Variants in COX7B observed in about 807,000 individuals in gnomAD.
The protein encoded by COX7B is cytochrome c oxidase subunit 7B, mitochondrial.
COX7B carries 2 observed loss-of-function variants against 7.9 expected under a neutral mutation model. That is an observed-to-expected ratio of 0.25 (90% CI 0.10 to 0.79). The LOEUF (loss-of-function observed/expected upper bound fraction) is 0.79, where lower values mean the gene tolerates loss of function less well. Ranked by LOEUF, COX7B falls within the 30% of genes least tolerant of loss-of-function variation. The pLI is 0.69. For missense variants in COX7B, 54 were observed against 62.7 expected, an observed-to-expected ratio of 0.86 and a Z score of 0.47; for synonymous variants, 19 against 21.1, an observed-to-expected ratio of 0.90 and a Z score of 0.27.
chrX:77,904,267 G>T (rs1006021772), intron 2 of COX7B, among the ~76,000 whole-genome samples: 1 of 110,017 alleles, frequency 9.1e-6, no homozygotes, highest in South Asian at 3.9e-4. Flanking sequence ...GGTTTAAAAA[G>T]ATACAAATTA....
intron 2 of COX7B, among the ~76,000 whole-genome samples, chrX:77,903,924 GTTTTGTT>G (rs1468249223): frequency 1.1e-4 from 10 of 90,264 alleles, no homozygotes; most frequent in East Asian, 3.5e-4. Context: ...TTTTTTTTTT[GTTTTGTT>G]TTTTGTTTTT....
At chrX:77,902,908 C>G (rs2077124468) in intron 2 of COX7B, 141 bp downstream of exon 2, 4 of 519,284 alleles carry the variant, frequency 7.7e-6, no homozygotes, top group Non-Finnish European at 1.1e-5. Flanking sequence ...CCACACAGTG[C>G]AGGGGATTTT....
At chrX:77,902,606 A>G in intron 1 of COX7B, 37 bp from the exon 2 acceptor site, 1 of 1,202,699 alleles carries the variant, frequency 8.3e-7, no homozygotes, top group African/African-American at 1.7e-5. Flanking sequence ...GACAATTGAT[A>G]ATATGCTTCT....
Position 77,905,218 on chromosome X carries a change from C to A in COX7B, c.200C>A (p.Ser67Tyr). Residue 67 changes from serine (S) to tyrosine (Y), a missense_variant, in exon 3 of 3, where the codon TCC becomes TAC. Transcript: ENST00000650309. ...CAAGTCGGAATAGAATGGAACCTGT[C>A]CCCTGTTGGCAGAGTTACCCCAAAG... ...ATQVGIEWNL[S>Y]PVGRVTPKEW... is the part of the protein sequence containing the mutation. The A allele has an allele frequency of 8.3e-7, 1 of 1,208,826 alleles. No homozygotes were observed. Among genetic ancestry groups the A allele is most frequent in the Non-Finnish European group, 1.1e-6 (1 of 893,674 alleles).
rs781871802 is a variant in COX7B at position 77,906,655 on chromosome X, TCTCA to T, written c.*1398_*1401del. On this transcript the variant is annotated 3_prime_UTR_variant, in exon 3 of 3. Transcript: ENST00000650309. ...TTTGTTTTTCTTTTTTGAGATGAAG[TCTCA>T]CTCTGTTGCCCAGGCTGGAGTGCAG... is the stretch of plus-strand genomic sequence containing the variant. 3 of 111,973 alleles carry T rather than the reference TCTCA, an allele frequency of 2.7e-5. No homozygotes were observed. The highest frequency in any genetic ancestry group is 7.4e-4 in the South Asian group (2 of 2,693). 9.2% of individuals were successfully genotyped at this position (111,973 alleles called of 1,213,427 possible). A position where few individuals can be genotyped will look rare whatever the true frequency, so the allele number is the denominator to read the frequency against.
rs2077134548 is a variant in COX7B, at chrX:77,906,100, T to C, written c.*839T>C. On this transcript the variant is annotated 3_prime_UTR_variant, in exon 3 of 3. Transcript: ENST00000650309. Reference sequence around the variant, plus strand: ...GCACCCAGCCCTTAAATGGCTTTTATGAGGTAATGTGAAAGGAAAATTTGC... The same window carrying C: ...GCACCCAGCCCTTAAATGGCTTTTACGAGGTAATGTGAAAGGAAAATTTGC... 1 of 112,386 alleles carries C rather than the reference T, an allele frequency of 8.9e-6. No individual in the cohort carries two copies. The highest frequency in any genetic ancestry group is 1.9e-5 in the Non-Finnish European group (1 of 53,306). The allele number at this position is 112,386 out of a possible 1,213,427, so 9.3% of individuals were successfully genotyped here. A position where few individuals can be genotyped will look rare whatever the true frequency, so the allele number is the denominator to read the frequency against.
In COX7B at chrX:77,905,417, A is replaced by G; in HGVS notation, c.*156A>G. The G allele has an allele frequency of 2.3e-6, 1 of 426,006 alleles. No individual in the cohort carries two copies. Among genetic ancestry groups the G allele is most frequent in the Non-Finnish European group, 4.1e-6 (1 of 242,759 alleles). The allele number at this position is 426,006 out of a possible 1,213,427, so 35.1% of individuals were successfully genotyped here. On this transcript the variant is annotated 3_prime_UTR_variant, in exon 3 of 3. Transcript: ENST00000650309. Reference sequence around the variant, plus strand: ...GTTTTGTTTCTTTGTAAATGAAACTAAGCTTGATCACTTTAGCCTTTATGT... The same window carrying G: ...GTTTTGTTTCTTTGTAAATGAAACTGAGCTTGATCACTTTAGCCTTTATGT...
In COX7B at chrX:77,900,310, T is replaced by G. The variant is rs185572713; in HGVS notation, c.40+717T>G. On this transcript the variant is annotated intron_variant, in intron 1 of 2. Coordinates refer to ENST00000650309, the MANE Select transcript of COX7B (RefSeq NM_001866.3). ...TGTACCCGGGAGGCGGAGGTTGCAG[T>G]GAGCCAAGACTGCTACTGCACTCCA... Among the ~76,000 whole-genome samples, 503 of 111,991 alleles carry G rather than the reference T, an allele frequency of 4.5e-3. 6 individuals carry two copies. Among genetic ancestry groups the G allele is most frequent in the Non-Finnish European group, 5.4e-3 (289 of 53,181 alleles).
chrX:77,901,754 TTGCTC>T (rs2077120758), intron 1 of COX7B: 1 of 110,587 alleles, frequency 9.0e-6, no homozygotes, highest in South Asian at 3.8e-4. Context: ...GGACAGAGAA[TTGCTC>T]TGTTACCCAG....
chrX:77,904,089 T>C (rs1212719285), intron 2 of COX7B, among the ~76,000 whole-genome samples: 2 of 106,572 alleles, frequency 1.9e-5, no homozygotes, highest in Non-Finnish European at 3.9e-5. Flanking sequence ...CCCACCACCA[T>C]GCCCGGCTAA....
At chrX:77,902,480 C>T (rs954168385) in intron 1 of COX7B, among the ~76,000 whole-genome samples, 163 bp from the exon 2 acceptor site, 7 of 112,584 alleles carry the variant, frequency 6.2e-5, no homozygotes, top group Non-Finnish European at 1.3e-4. Flanking sequence ...TTTCAAAGTA[C>T]ACTGCTTTAA....
Position 77,902,775 on chromosome X carries a change from C to T in COX7B, c.165+8C>T. ...ATTGTTACATGGACATATGTAAGTA[C>T]TATTGATTAATAATTTCTGTTTCAG... On this transcript the variant is annotated splice_region_variant and intron_variant, in intron 2 of 2. Coordinates refer to ENST00000650309, the MANE Select transcript of COX7B (RefSeq NM_001866.3). 1.7e-6 allele frequency: 2 copies of T among 1,199,887 alleles called. No individual in the cohort carries two copies. The highest frequency in any genetic ancestry group is 2.3e-6 in the Non-Finnish European group (2 of 888,059).
chrX:77,902,914 AT>A (rs782433582), intron 2 of COX7B, 147 bp downstream of exon 2: 7 of 473,617 alleles, frequency 1.5e-5, no homozygotes, highest in Non-Finnish European at 6.4e-6. Flanking sequence ...AGTGCAGGGG[AT>A]TTTTTCCCCC....
rs781863218 is a variant in COX7B at position 77,905,274 on chromosome X, G to A, written c.*13G>A. 6 of 1,171,392 alleles carry A rather than the reference G, an allele frequency of 5.1e-6. No individual in the cohort carries two copies. The Admixed American group carries it at 6.6e-5, about 13-fold the overall frequency. The stretch of plus-strand genomic sequence containing the variant: ...GAGGAATCAGTAATCATCCCAGCTG[G>A]TGTAATAATGAATTGTTTAAAAAAC... On this transcript the variant is annotated 3_prime_UTR_variant, in exon 3 of 3. Coordinates refer to ENST00000650309, the MANE Select transcript of COX7B (RefSeq NM_001866.3).
intron 2 of COX7B, among the ~76,000 whole-genome samples, chrX:77,904,046 C>T (rs1477830621): frequency 2.8e-5 from 3 of 105,761 alleles, no homozygotes; most frequent in Non-Finnish European, 5.8e-5. Context: ...CATCCTCCTG[C>T]CTCAGCCTTC....
rs781911967 is a variant in COX7B, at chrX:77,902,780, G to A, written c.165+13G>A. 1.3e-4 allele frequency: 151 copies of A among 1,198,522 alleles called. No individual in the cohort carries two copies. Among genetic ancestry groups the A allele is most frequent in the Non-Finnish European group, 1.6e-4 (144 of 887,981 alleles). ...TACATGGACATATGTAAGTACTATT[G>A]ATTAATAATTTCTGTTTCAGATGTT... On this transcript the variant is annotated intron_variant, in intron 2 of 2. Transcript: ENST00000650309.
chrX:77,901,568 T>A (rs1172215154), intron 1 of COX7B, among the ~76,000 whole-genome samples: 2 of 111,248 alleles, frequency 1.8e-5, no homozygotes, highest in Non-Finnish European at 3.8e-5. Flanking sequence ...ACTGGTATAA[T>A]ACTAACAGCA....
Position 77,906,984 on chromosome X carries a change from G to GT in COX7B, c.*1729dup, listed in dbSNP as rs1188774932. On this transcript the variant is annotated 3_prime_UTR_variant, in exon 3 of 3. Transcript: ENST00000650309. ...TAGTCTGTGGTAGTTGTTTTGTTTT[G>GT]TTTTTTGTTTTTTTTTTGTAGTTTT... The GT allele has an allele frequency of 9.3e-5, 10 of 107,133 alleles. No homozygotes were observed. The highest frequency in any genetic ancestry group is 9.0e-4 in the Admixed American group (9 of 10,019). 8.8% of individuals were successfully genotyped at this position (107,133 alleles called of 1,213,427 possible).
In COX7B at chrX:77,905,488, T is replaced by G. The variant is rs1368290065; in HGVS notation, c.*227T>G. ...GTGCAGCTTCTTAAATAGGTTTTTT[T>G]TTTTTTTTTTTTTTTTTTTTGGGAC... On this transcript the variant is annotated 3_prime_UTR_variant, in exon 3 of 3. Transcript: ENST00000650309. 1 of 226,537 alleles carries G rather than the reference T, an allele frequency of 4.4e-6. No homozygotes were observed. Among genetic ancestry groups the G allele is most frequent in the Admixed American group, 8.1e-5 (1 of 12,319 alleles). The allele number at this position is 226,537 out of a possible 1,213,427, so 18.7% of individuals were successfully genotyped here.
Sources: gnomAD v4.1 joint callset for allele counts (sites outside exome capture counted in the v4.1 genomes callset) on GRCh38, gnomAD v4.1.1 for gene constraint, MANE v1.5 for transcripts, NCBI Gene and HGNC (gene_info 2026-07-23, HGNC 2026-07-21) for gene names.